Variants in FMNL2 observed in about 807,000 individuals in gnomAD.
The protein encoded by FMNL2 is formin-like protein 2.
FMNL2 carries 51 observed loss-of-function variants against 130.2 expected under a neutral mutation model. That is an observed-to-expected ratio of 0.39 (90% CI 0.31 to 0.49). The LOEUF is 0.49. FMNL2 is among the 20% of genes least tolerant of loss of function. The pLI is 0.85. For missense variants in FMNL2, 977 were observed against 1,316.2 expected, an observed-to-expected ratio of 0.74 and a Z score of 3.99; for synonymous variants, 465 against 467.1, an observed-to-expected ratio of 1.00 and a Z score of 0.06.
At chr2:152,405,877 A>G (rs1685952957) in intron 1 of FMNL2, among the ~76,000 whole-genome samples, 2 of 152,216 alleles carry the variant, frequency 1.3e-5, no homozygotes, top group Admixed American at 1.3e-4. Context: ...ATATGGGTGG[A>G]TATTTAAAAC....
intron 1 of FMNL2, among the ~76,000 whole-genome samples, chr2:152,403,699 C>G (rs1685830217): frequency 6.6e-6 from 1 of 152,202 alleles, no homozygotes; most frequent in Non-Finnish European, 1.5e-5. Flanking sequence ...GTTTTGGTCT[C>G]AGCTCTGCTG....
rs965178065 is a variant in FMNL2, at chr2:152,463,764, G to A, written c.118-58179G>A. On this transcript the variant is annotated intron_variant, in intron 1 of 25. Transcript: ENST00000288670. ...CCTAGTTTTTCTAATAGGTATCCTA[G>A]AGCTCCCGGTACTACTCAGCCAGGA... Among the ~76,000 whole-genome samples the A allele has an allele frequency of 2.0e-5, 3 of 152,274 alleles. No individual in the cohort carries two copies. The East Asian group carries it at 5.8e-4, about 29-fold the overall frequency.
At chr2:152,338,832 C>CACACACACACACACACACACAT (rs1560277820) in intron 1 of FMNL2, among the ~76,000 whole-genome samples, 4 of 145,370 alleles carry the variant, frequency 2.8e-5, no homozygotes, top group African/African-American at 9.9e-5. Flanking sequence ...CACACACACA[C>CACACACACACACACACACACAT]ACACACACAC....
intron 6 of FMNL2, among the ~76,000 whole-genome samples, chr2:152,568,648 C>A (rs1695997134): frequency 1.3e-5 from 2 of 152,154 alleles, no homozygotes; most frequent in South Asian, 4.1e-4. Context: ...ACTTACAATC[C>A]TAGTGGAAGG....
At chr2:152,345,413 A>C (rs1682059834) in intron 1 of FMNL2, among the ~76,000 whole-genome samples, 1 of 152,172 alleles carries the variant, frequency 6.6e-6, no homozygotes, top group Non-Finnish European at 1.5e-5. Context: ...TAGCAGGAGA[A>C]GTTGGATATG....
In FMNL2 at chr2:152,575,077, T is replaced by C; in HGVS notation, c.597-59T>C. The C allele has an allele frequency of 3.0e-6, 3 of 1,008,090 alleles. No homozygotes were observed. The South Asian group carries it at 4.3e-5, about 14-fold the overall frequency. The allele number at this position is 1,008,090 out of a possible 1,614,324, so 62.4% of individuals were successfully genotyped here. On this transcript the variant is annotated intron_variant, in intron 6 of 25. Coordinates refer to ENST00000288670, the MANE Select transcript of FMNL2 (RefSeq NM_052905.4). The stretch of plus-strand genomic sequence containing the variant: ...TGAAGAGTAGTGTCTGTTAAGTGCA[T>C]GTGCCTATGCTAAGAAAGTAACCTG...
intron 1 of FMNL2, among the ~76,000 whole-genome samples, chr2:152,401,979 C>T (rs1010064696): frequency 7.1e-6 from 1 of 141,154 alleles, no homozygotes. Context: ...GATCTCAGCT[C>T]ACTGCAACCT....
chr2:152,407,813 G>A (rs989766147), intron 1 of FMNL2, among the ~76,000 whole-genome samples: 2 of 152,108 alleles, frequency 1.3e-5, no homozygotes, highest in African/African-American at 4.8e-5. Context: ...GGATTTTCTA[G>A]GCTGAGCAAA....
intron 11 of FMNL2, among the ~76,000 whole-genome samples, chr2:152,612,641 G>C (rs1422943069): frequency 1.3e-5 from 2 of 152,022 alleles, no homozygotes; most frequent in Admixed American, 6.6e-5. Context: ...TTTGAGACAG[G>C]GTTTCACTTT....
chr2:152,628,763 C>G (rs186491687), intron 18 of FMNL2, among the ~76,000 whole-genome samples: 3 of 152,224 alleles, frequency 2.0e-5, no homozygotes, highest in African/African-American at 7.2e-5. Context: ...GAAAGAATGC[C>G]ATTTTTTGTG....
chr2:152,565,737 A>C (rs948704015), intron 6 of FMNL2, among the ~76,000 whole-genome samples: 4 of 151,936 alleles, frequency 2.6e-5, no homozygotes, highest in South Asian at 2.1e-4. Context: ...TTTCTTCTAC[A>C]CTCCTCCAGA....
intron 1 of FMNL2, among the ~76,000 whole-genome samples, chr2:152,496,440 G>T (rs1691522856): frequency 6.6e-6 from 1 of 152,132 alleles, no homozygotes; most frequent in Non-Finnish European, 1.5e-5. Flanking sequence ...TTAAGGTGGG[G>T]CCTGCCAGAT....
At chr2:152,562,274 C>A (rs1277543342) in intron 6 of FMNL2, among the ~76,000 whole-genome samples, 1 of 152,092 alleles carries the variant, frequency 6.6e-6, no homozygotes, top group Non-Finnish European at 1.5e-5. Context: ...CTTACTCTTT[C>A]TAGCTTAAAG....
intron 1 of FMNL2, among the ~76,000 whole-genome samples, chr2:152,441,775 C>T (rs967590164): frequency 3.3e-5 from 5 of 151,548 alleles, no homozygotes; most frequent in African/African-American, 1.2e-4. Flanking sequence ...GCGGAGTTTG[C>T]AGTGAGCTAA....
intron 1 of FMNL2, among the ~76,000 whole-genome samples, chr2:152,466,190 G>T (rs1445886905): frequency 6.6e-6 from 1 of 152,176 alleles, no homozygotes; most frequent in Admixed American, 6.5e-5. Flanking sequence ...TGTGAGGACT[G>T]TCTGAACCCT....
chr2:152,508,736 G>A (rs1558923908), intron 1 of FMNL2, among the ~76,000 whole-genome samples: 1 of 152,212 alleles, frequency 6.6e-6, no homozygotes, highest in African/African-American at 2.4e-5. Flanking sequence ...TTGAGTGGGT[G>A]TACTGAGTTC....
At chr2:152,478,250 A>ATTT (rs869219736) in intron 1 of FMNL2, among the ~76,000 whole-genome samples, 12 of 92,130 alleles carry the variant, frequency 1.3e-4, no homozygotes, top group Non-Finnish European at 1.6e-4. Context: ...ATATATATAT[A>ATTT]TTTTTTTTTT....
At position 152,628,618 on chromosome 2, in the gene FMNL2, A is replaced by G. The variant is rs1681961464; in HGVS notation, c.2400+85A>G. 2.5e-6 allele frequency: 3 copies of G among 1,184,990 alleles called. No individual in the cohort carries two copies. The African/African-American group carries it at 4.5e-5, about 18-fold the overall frequency. 73.4% of individuals were successfully genotyped at this position (1,184,990 alleles called of 1,614,324 possible). A position where few individuals can be genotyped will look rare whatever the true frequency, so the allele number is the denominator to read the frequency against. On this transcript the variant is annotated intron_variant, in intron 18 of 25. Coordinates refer to ENST00000288670, the MANE Select transcript of FMNL2 (RefSeq NM_052905.4). Reference sequence around the variant, plus strand: ...TAAAGTCTCTCCCAGAATCGTACTCAGTGTGATGGGTTCTAAAGACTCCTT... The same window carrying G: ...TAAAGTCTCTCCCAGAATCGTACTCGGTGTGATGGGTTCTAAAGACTCCTT...
chr2:152,474,514 A>T (rs1690035674), intron 1 of FMNL2, among the ~76,000 whole-genome samples: 1 of 151,872 alleles, frequency 6.6e-6, no homozygotes, highest in Admixed American at 6.6e-5. Flanking sequence ...GTGAAACCTC[A>T]TCTCTACTAA....
Sources: allele counts gnomAD v4.1 joint callset (sites outside exome capture counted in the v4.1 genomes callset), GRCh38; gene constraint gnomAD v4.1.1; transcripts MANE v1.5; gene names NCBI Gene and HGNC (gene_info 2026-07-23, HGNC 2026-07-21).